Variants in BRSK2 observed in about 807,000 individuals in gnomAD.
BRSK2 encodes the protein BR serine/threonine kinase 2, also known as serine/threonine-protein kinase BRSK2.
A neutral mutation model predicts 83.3 loss-of-function variants in BRSK2; 19 were observed. That is an observed-to-expected ratio of 0.23 (90% CI 0.16 to 0.33). The LOEUF (loss-of-function observed/expected upper bound fraction) is 0.33, where lower values mean the gene tolerates loss of function less well. Among genes scored for constraint, BRSK2 ranks in the 10% least tolerant of loss-of-function variants. The pLI is 1.00. For synonymous variants in BRSK2, 519 were observed against 435.4 expected, an observed-to-expected ratio of 1.19 and a Z score of -2.39; for missense variants, 798 against 1,042.3, an observed-to-expected ratio of 0.77 and a Z score of 3.23.
chr11:1,435,955 G>C, intron 1 of BRSK2, 85 bp from the exon 2 acceptor site: 3 of 1,006,784 alleles, frequency 3.0e-6, no homozygotes, highest in Non-Finnish European at 4.4e-6. Context: ...GGACGTGGGA[G>C]GAGGCCCCCA....
At chr11:1,413,696 C>T (rs1461585743) in intron 1 of BRSK2, among the ~76,000 whole-genome samples, 13 of 152,270 alleles carry the variant, frequency 8.5e-5, no homozygotes, top group African/African-American at 2.2e-4. Flanking sequence ...AGGTCCATGG[C>T]GGGGCCTGGG....
At position 1,460,627 on chromosome 11, in the gene BRSK2, G is replaced by A. The variant is rs1445802404; in HGVS notation, c.2115G>A (p.Ala705=). ...RSAHGPLGDS[A]AAGPGPGGDA... is the part of the protein sequence containing the mutation. ...CCCACGGCCCACTCGGTGACTCCGC[G>A]GCCGCTGGCCCTGGCCCCGGAGGGG... Residue 705 remains alanine (A), a synonymous_variant, in exon 20 of 20, where the codon GCG becomes GCA. Coordinates refer to ENST00000528841, the MANE Select transcript of BRSK2 (RefSeq NM_001256627.2). 5 of 1,530,444 alleles carry A rather than the reference G, an allele frequency of 3.3e-6. No individual in the cohort carries two copies. Among genetic ancestry groups the A allele is most frequent in the Non-Finnish European group, 4.4e-6 (5 of 1,143,664 alleles). The allele number at this position is 1,530,444 out of a possible 1,614,324, so 94.8% of individuals were successfully genotyped here.
chr11:1,460,983 A>T lies in BRSK2; in HGVS notation c.*260A>T. 6.2e-7 allele frequency: 1 copy of T among 1,612,160 alleles called. No individual in the cohort carries two copies. Among genetic ancestry groups the T allele is most frequent in the Non-Finnish European group, 8.5e-7 (1 of 1,179,264 alleles). ...CTCTGATACCAGGAATTATCCCGAA[A>T]AGTTAACATGTCACCTCCACGAGGC... On this transcript the variant is annotated 3_prime_UTR_variant, in exon 20 of 20. Transcript: ENST00000528841.
At chr11:1,451,091 GC>G (rs1169333966) in intron 14 of BRSK2, among the ~76,000 whole-genome samples, 1 of 152,250 alleles carries the variant, frequency 6.6e-6, no homozygotes, top group Non-Finnish European at 1.5e-5. Context: ...CAGTCAGGAG[GC>G]CCCATGTGTG....
At position 1,445,581 on chromosome 11, in the gene BRSK2, G is replaced by A; in HGVS notation, c.988G>A (p.Glu330Lys). ...TCTCGCCCGCTGTAGGGAGAACCAG[G>A]AGAAGATGATTTACTTCCTCCTCCT... ...QDLLSEEENQ[E>K]KMIYFLLLDR... Residue 330 changes from glutamate (E) to lysine (K), a missense_variant, in exon 11 of 20, where the codon GAG becomes AAG. Coordinates refer to ENST00000528841, the MANE Select transcript of BRSK2 (RefSeq NM_001256627.2). The A allele has an allele frequency of 6.3e-7, 1 of 1,576,246 alleles. No homozygotes were observed. Among genetic ancestry groups the A allele is most frequent in the Non-Finnish European group, 8.6e-7 (1 of 1,161,242 alleles).
At chr11:1,399,619 C>G (rs1053926139) in intron 1 of BRSK2, among the ~76,000 whole-genome samples, 1 of 152,192 alleles carries the variant, frequency 6.6e-6, no homozygotes, top group African/African-American at 2.4e-5. Context: ...GCTGTCCCCC[C>G]AGGGCTCTGG....
rs748760656 is a variant in BRSK2, at chr11:1,438,369, G to A, written c.250G>A (p.Val84Ile). ...EHPHVLKLHDVYENKKYLYLV... is the reference protein window; with the variant it reads ...EHPHVLKLHDIYENKKYLYLV... ...CCCCCACGTCCTAAAGCTGCACGAC[G>A]TTTATGAAAACAAAAAATATTTGTA... The change falls in exon 3 of 20, where the codon GTT (valine) becomes ATT (isoleucine). Residue 84 changes from valine (V) to isoleucine (I), a missense_variant. Around this residue, in one of 6 missense-constraint regions of BRSK2, gnomAD observed 109 missense variants for 259.2 expected, o/e 0.42. Transcript: ENST00000528841. The surrounding 1 kb of genome is among the most constrained non-coding windows in gnomAD (Gnocchi z 6.4). The A allele has an allele frequency of 1.2e-6, 2 of 1,614,050 alleles. No individual in the cohort carries two copies. The highest frequency in any genetic ancestry group is 1.7e-5 in the Admixed American group (1 of 60,028).
At chr11:1,448,013 C>A in intron 12 of BRSK2, 1 of 819,152 alleles carries the variant, frequency 1.2e-6, no homozygotes, top group Non-Finnish European at 1.9e-6. Context: ...AGGCAAGGGC[C>A]CGCGGGCCAG....
chr11:1,459,045 C>G (rs968601854), intron 18 of BRSK2, 147 bp from the exon 19 acceptor site: 1 of 659,130 alleles, frequency 1.5e-6, no homozygotes, highest in East Asian at 3.1e-5. Flanking sequence ...CTGGCTCTGG[C>G]CCCCCCAGTA....
rs1179722946 is a variant in BRSK2, at chr11:1,454,163, G to T, written c.1545-322G>T. The T allele has an allele frequency of 9.1e-6, 2 of 218,692 alleles. No homozygotes were observed. The highest frequency in any genetic ancestry group is 8.0e-5 in the South Asian group (1 of 12,522). 13.5% of individuals were successfully genotyped at this position (218,692 alleles called of 1,614,324 possible). The stretch of plus-strand genomic sequence containing the variant: ...TCTCACAGCGGCCTTGGTGAGGGGG[G>T]GCTCACCTGTGGGGGGCTCACCTGT... On this transcript the variant is annotated intron_variant, in intron 15 of 19. Coordinates refer to ENST00000528841, the MANE Select transcript of BRSK2 (RefSeq NM_001256627.2). This position sits in a 1 kb window ranked among gnomAD's most constrained non-coding sequence, Gnocchi z 5.2.
At chr11:1,453,071 T>TC in intron 15 of BRSK2, among the ~76,000 whole-genome samples, 1 of 152,258 alleles carries the variant, frequency 6.6e-6, no homozygotes, top group African/African-American at 2.4e-5. Flanking sequence ...GGGCGTTCTT[T>TC]CCCCAGGAAG....
rs1730921047 is a variant in BRSK2 at position 1,461,632 on chromosome 11, G to GT, written c.*910dup. The GT allele has an allele frequency of 6.5e-6, 1 of 152,814 alleles. No homozygotes were observed. Among genetic ancestry groups the GT allele is most frequent in the African/African-American group, 2.4e-5 (1 of 41,472 alleles). The allele number at this position is 152,814 out of a possible 1,614,324, so 9.5% of individuals were successfully genotyped here. On this transcript the variant is annotated 3_prime_UTR_variant, in exon 20 of 20. Coordinates refer to ENST00000528841, the MANE Select transcript of BRSK2 (RefSeq NM_001256627.2). ...CCCTGCCGTCTGCGTGTCTCAGGCAGTGGGGGGGCTGGGGCCAGGGCGCCC... is the reference window on the plus strand; with the variant it reads ...CCCTGCCGTCTGCGTGTCTCAGGCAGTTGGGGGGGCTGGGGCCAGGGCGCCC...
intron 15 of BRSK2, 62 bp downstream of exon 15, chr11:1,451,481 T>C (rs1475674126): frequency 1.9e-6 from 3 of 1,558,150 alleles, no homozygotes; most frequent in African/African-American, 1.4e-5. Context: ...GAGAGGGGCA[T>C]GGAACCCTTC....
In BRSK2 at chr11:1,441,027, G is replaced by C; in HGVS notation, c.413+99G>C. 6 of 1,037,384 alleles carry C rather than the reference G, an allele frequency of 5.8e-6. No homozygotes were observed. In the South Asian group the frequency reaches 9.1e-5, roughly 16 times the overall value. 64.3% of individuals were successfully genotyped at this position (1,037,384 alleles called of 1,614,324 possible). On this transcript the variant is annotated intron_variant, in intron 4 of 19. Transcript: ENST00000528841. ...GTGCCCCAAGGACTACACCCCCTAT[G>C]GTGCTATTCCGAGGTACACCATGCC...
At chr11:1,424,926 G>A (rs1590437190) in intron 1 of BRSK2, among the ~76,000 whole-genome samples, 2 of 152,346 alleles carry the variant, frequency 1.3e-5, no homozygotes, top group East Asian at 3.9e-4. Flanking sequence ...CTGGCGGGAG[G>A]GGTGTTCTCC....
chr11:1,434,193 C>A (rs553115585), intron 1 of BRSK2, among the ~76,000 whole-genome samples: 9 of 152,310 alleles, frequency 5.9e-5, no homozygotes, highest in Admixed American at 2.6e-4. Context: ...TGACGTCCCG[C>A]GGGTCAACAG....
In BRSK2 at chr11:1,390,760, C is replaced by T. The variant is rs926409990; in HGVS notation, c.91+385C>T. Among the ~76,000 whole-genome samples the T allele has an allele frequency of 4.6e-5, 7 of 151,812 alleles. No homozygotes were observed. Among genetic ancestry groups the T allele is most frequent in the South Asian group, 2.1e-4 (1 of 4,832 alleles). On this transcript the variant is annotated intron_variant, in intron 1 of 19. Coordinates refer to ENST00000528841, the MANE Select transcript of BRSK2 (RefSeq NM_001256627.2). This position sits in a 1 kb window ranked among gnomAD's most constrained non-coding sequence, Gnocchi z 6.8. ...CGCGCGGGCGCCCATCTGCCGTCTG[C>T]CGCGGCCGCGCTAATAGGCGTGCTG... is the stretch of plus-strand genomic sequence containing the variant.
At chr11:1,459,359 C>T (rs1000211975) in intron 19 of BRSK2, 120 bp downstream of exon 19, 10 of 1,085,252 alleles carry the variant, frequency 9.2e-6, no homozygotes, top group African/African-American at 1.5e-5. Flanking sequence ...GATGTAGGCA[C>T]CCAGCAGCCC....
chr11:1,457,869 C>T (rs770946331), intron 18 of BRSK2, among the ~76,000 whole-genome samples: 1 of 152,156 alleles, frequency 6.6e-6, no homozygotes, highest in Non-Finnish European at 1.5e-5. Context: ...TGGCCCTAAC[C>T]GAAGCCCCAG....
Sources: gnomAD v4.1 joint callset for allele counts (sites outside exome capture counted in the v4.1 genomes callset) on GRCh38, gnomAD v4.1.1 for gene constraint, gnomAD v4.1.1 regional missense constraint, Gnocchi (gnomAD v3.1) non-coding constraint, MANE v1.5 for transcripts, NCBI Gene and HGNC (gene_info 2026-07-23, HGNC 2026-07-21) for gene names.